The following RPTOR variants were observed in gnomAD, a reference collection of about 807,000 sequenced individuals.
The protein encoded by RPTOR is regulatory-associated protein of mTOR.
A neutral mutation model predicts 169.9 loss-of-function variants in RPTOR; 21 were observed. The observed-to-expected ratio is 0.12, with a 90% CI of 0.09 to 0.18. RPTOR has a LOEUF of 0.18. RPTOR is among the 10% of genes least tolerant of loss of function. The pLI, the probability that RPTOR is intolerant of heterozygous loss-of-function variation, is 1.00. For missense variants in RPTOR, 1,133 were observed against 1,855.9 expected (o/e 0.61, Z 7.16); for synonymous variants, 732 against 753.2 (o/e 0.97, Z 0.46).
rs1172416094 is a variant in RPTOR at position 80,960,572 on chromosome 17, C to T, written c.3605+367C>T. Among the ~76,000 whole-genome samples, 1 of 152,238 alleles carries T rather than the reference C, an allele frequency of 6.6e-6. No individual in the cohort carries two copies. Among genetic ancestry groups the T allele is most frequent in the African/African-American group, 2.4e-5 (1 of 41,468 alleles). On this transcript the variant is annotated intron_variant, in intron 30 of 33. Transcript: ENST00000306801. This position sits in a 1 kb window ranked among gnomAD's most constrained non-coding sequence, Gnocchi z 4.8. Reference sequence around the variant, plus strand: ...CTGAACAGAATACTGCCACTGCCTGCCACCTCCTGGGTCATGCAGCAAGTG... The same window carrying T: ...CTGAACAGAATACTGCCACTGCCTGTCACCTCCTGGGTCATGCAGCAAGTG...
intron 21 of RPTOR, among the ~76,000 whole-genome samples, chr17:80,910,337 C>T (rs891612565): frequency 9.2e-5 from 14 of 152,124 alleles, no homozygotes; most frequent in Non-Finnish European, 1.6e-4. Flanking sequence ...CAATTGTTTA[C>T]GGTATTTGTC....
At chr17:80,739,317 A>G (rs1049989500) in intron 5 of RPTOR, among the ~76,000 whole-genome samples, 2 of 152,238 alleles carry the variant, frequency 1.3e-5, no homozygotes, top group African/African-American at 2.4e-5. Context: ...GAGGTCAGAA[A>G]CACGGAAGAG....
intron 28 of RPTOR, 91 bp downstream of exon 28, chr17:80,949,638 A>G: frequency 9.6e-7 from 1 of 1,046,378 alleles, no homozygotes; most frequent in Non-Finnish European, 1.5e-6. Context: ...GGCTGTCTCT[A>G]AACAGGCTGC....
chr17:80,581,896 C>A (rs889450834), intron 1 of RPTOR, among the ~76,000 whole-genome samples: 11 of 152,336 alleles, frequency 7.2e-5, no homozygotes, highest in African/African-American at 2.6e-4. Context: ...GGGGAGTGAT[C>A]TAGGACCCTG....
At chr17:80,759,913 T>C (rs530879919) in intron 6 of RPTOR, among the ~76,000 whole-genome samples, 59 of 152,352 alleles carry the variant, frequency 3.9e-4, no homozygotes, top group Non-Finnish European at 1.6e-4. Context: ...TGGTCTTTTT[T>C]CTGTGCATGT....
In RPTOR at chr17:80,820,217, C is replaced by T. The variant is rs755736985; in HGVS notation, c.891-1984C>T. On this transcript the variant is annotated intron_variant, in intron 7 of 33. Coordinates refer to ENST00000306801, the MANE Select transcript of RPTOR (RefSeq NM_020761.3). This position sits in a 1 kb window ranked among gnomAD's most constrained non-coding sequence, Gnocchi z 4.1. ...TGGCTTTGGTAAGGAGGGCAGGCAG[C>T]GCTCGGTGACAGTCCTGCAGCTTGA... Among the ~76,000 whole-genome samples the T allele has an allele frequency of 3.3e-5, 5 of 152,156 alleles. No individual in the cohort carries two copies. The highest frequency in any genetic ancestry group is 7.4e-5 in the Non-Finnish European group (5 of 68,020).
chr17:80,880,806 T>C (rs1341953969), intron 14 of RPTOR, among the ~76,000 whole-genome samples: 1 of 152,252 alleles, frequency 6.6e-6, no homozygotes, highest in Non-Finnish European at 1.5e-5. Context: ...CTCTCCCTGC[T>C]GTCCGCCGCG....
At chr17:80,779,424 C>T (rs2066918994) in intron 6 of RPTOR, among the ~76,000 whole-genome samples, 1 of 152,208 alleles carries the variant, frequency 6.6e-6, no homozygotes, top group South Asian at 2.1e-4. Flanking sequence ...TTGCAGTCGG[C>T]GAGGAACTCC....
intron 20 of RPTOR, among the ~76,000 whole-genome samples, chr17:80,906,403 G>A (rs1022915344): frequency 4.6e-5 from 7 of 152,186 alleles, no homozygotes; most frequent in African/African-American, 1.7e-4. Context: ...AGAGCTGGAA[G>A]GCTTCGGTTC....
chr17:80,832,508 C>G (rs561493137), intron 9 of RPTOR, among the ~76,000 whole-genome samples: 1 of 152,270 alleles, frequency 6.6e-6, no homozygotes, highest in Non-Finnish European at 1.5e-5. Context: ...TGTCCCAGCT[C>G]CAATGCTGTT....
intron 1 of RPTOR, among the ~76,000 whole-genome samples, chr17:80,583,180 C>CTTTTTTT (rs1398903636): frequency 8.4e-5 from 7 of 83,742 alleles, no homozygotes; most frequent in African/African-American, 3.5e-4. Context: ...TGCCTCTTTC[C>CTTTTTTT]TGTTTTTTTT....
intron 11 of RPTOR, among the ~76,000 whole-genome samples, chr17:80,852,763 C>T (rs899774002): frequency 6.6e-6 from 1 of 151,904 alleles, no homozygotes; most frequent in Non-Finnish European, 1.5e-5. Flanking sequence ...AGGGAAGCTC[C>T]TCCCTCTCCA....
Position 80,708,263 on chromosome 17 carries a change from G to A in RPTOR, c.507+264G>A, listed in dbSNP as rs755165529. ...CCCTCTGTAAGACCAGCAGTTGTTT[G>A]TAATTCTCCGAGGACAGACCTCGAG... On this transcript the variant is annotated intron_variant, in intron 4 of 33. Transcript: ENST00000306801. The surrounding 1 kb of genome is among the most constrained non-coding windows in gnomAD (Gnocchi z 4.2). Among the ~76,000 whole-genome samples the A allele has an allele frequency of 9.2e-5, 14 of 152,218 alleles. No homozygotes were observed. The highest frequency in any genetic ancestry group is 2.6e-4 in the Admixed American group (4 of 15,282).
chr17:80,841,178 G>T (rs1343519628), intron 10 of RPTOR, among the ~76,000 whole-genome samples: 4 of 44,298 alleles, frequency 9.0e-5, no homozygotes, highest in Admixed American at 4.7e-4. Flanking sequence ...CTCACCGCAC[G>T]GCAGCTCACA....
At chr17:80,592,832 A>T (rs2065116840) in intron 1 of RPTOR, among the ~76,000 whole-genome samples, 1 of 152,044 alleles carries the variant, frequency 6.6e-6, no homozygotes, top group Non-Finnish European at 1.5e-5. Context: ...GGGGTTTGTG[A>T]GGTCGGTTGC....
At chr17:80,619,942 G>A (rs1036845909) in intron 1 of RPTOR, among the ~76,000 whole-genome samples, 8 of 152,164 alleles carry the variant, frequency 5.3e-5, no homozygotes, top group Admixed American at 1.3e-4. Flanking sequence ...AATCCAAAGT[G>A]CCGTGGAGAT....
intron 6 of RPTOR, among the ~76,000 whole-genome samples, chr17:80,783,643 G>A (rs893824396): frequency 6.6e-6 from 1 of 152,226 alleles, no homozygotes. Flanking sequence ...GGGCTCCTCC[G>A]ATATCCAGCC....
chr17:80,780,362 A>G (rs912790678), intron 6 of RPTOR, among the ~76,000 whole-genome samples: 1 of 152,168 alleles, frequency 6.6e-6, no homozygotes, highest in Non-Finnish European at 1.5e-5. Context: ...ACAGGGATGT[A>G]CACGAAGTCT....
At chr17:80,737,112 C>A (rs2066439780) in intron 5 of RPTOR, among the ~76,000 whole-genome samples, 1 of 152,178 alleles carries the variant, frequency 6.6e-6, no homozygotes, top group Admixed American at 6.5e-5. Flanking sequence ...TCTGTTTCCT[C>A]CAGCATAATT....
Sources: allele counts gnomAD v4.1 joint callset (sites outside exome capture counted in the v4.1 genomes callset), GRCh38; gene constraint gnomAD v4.1.1; non-coding constraint Gnocchi (gnomAD v3.1); transcripts MANE v1.5; gene names NCBI Gene and HGNC (gene_info 2026-07-23, HGNC 2026-07-21).